FOXP1: variants seen among roughly 807,000 people sequenced by gnomAD.
FOXP1 encodes the protein forkhead box P1.
Under a neutral mutation model 98.2 loss-of-function variants are expected in FOXP1, and 15 were observed. That is an observed-to-expected ratio of 0.15 (90% CI 0.10 to 0.24). The LOEUF (loss-of-function observed/expected upper bound fraction) is 0.24, where lower values mean the gene tolerates loss of function less well. Among genes scored for constraint, FOXP1 ranks in the 10% least tolerant of loss-of-function variants. The probability of loss-of-function intolerance (pLI) is 1.00; values close to 1 mark genes in which losing one functional copy is unlikely to be tolerated. For synonymous variants in FOXP1, 371 were observed against 314.5 expected, an observed-to-expected ratio of 1.18 and a Z score of -1.90; for missense variants, 633 against 848.5, an observed-to-expected ratio of 0.75 and a Z score of 3.15.
chr3:71,369,724 C>T (rs930911633), intron 3 of FOXP1, among the ~76,000 whole-genome samples: 3 of 151,958 alleles, frequency 2.0e-5, no homozygotes, highest in Admixed American at 6.5e-5. Context: ...GTGTAACCCC[C>T]TTTTAGGAAG....
At chr3:71,367,329 C>G (rs2078992636) in intron 3 of FOXP1, among the ~76,000 whole-genome samples, 1 of 152,188 alleles carries the variant, frequency 6.6e-6, no homozygotes, top group Non-Finnish European at 1.5e-5. Flanking sequence ...CATACACACT[C>G]CCTCTCTCTC....
intron 13 of FOXP1, among the ~76,000 whole-genome samples, chr3:70,996,586 T>C (rs1040646463): frequency 2.0e-5 from 3 of 152,142 alleles, no homozygotes; most frequent in Non-Finnish European, 4.4e-5. Flanking sequence ...GGGCCTTCCA[T>C]TTTGGGTGAA....
At chr3:71,126,303 C>T (rs1040836188) in intron 6 of FOXP1, among the ~76,000 whole-genome samples, 4 of 147,972 alleles carry the variant, frequency 2.7e-5, no homozygotes, top group African/African-American at 5.0e-5. Context: ...GCTAACACAG[C>T]GAAACCCCGT....
intron 5 of FOXP1, among the ~76,000 whole-genome samples, chr3:71,227,880 C>T (rs916480516): frequency 6.6e-6 from 1 of 152,038 alleles, no homozygotes; most frequent in Non-Finnish European, 1.5e-5. Flanking sequence ...TAGTCCAAAA[C>T]TGTTGCCAGA....
chr3:71,551,474 AAAGT>A (rs1489650369), intron 2 of FOXP1, among the ~76,000 whole-genome samples: 1 of 152,212 alleles, frequency 6.6e-6, no homozygotes, highest in Non-Finnish European at 1.5e-5. Context: ...ACCAAAAACC[AAAGT>A]AATAAATGTG....
At chr3:71,119,213 A>G (rs966484160) in intron 6 of FOXP1, among the ~76,000 whole-genome samples, 3 of 152,214 alleles carry the variant, frequency 2.0e-5, no homozygotes, top group African/African-American at 7.2e-5. Context: ...AACTTTGAAG[A>G]TGTGTTTCTG....
chr3:70,961,308 G>A (rs1211572733), intron 20 of FOXP1, among the ~76,000 whole-genome samples: 1 of 152,056 alleles, frequency 6.6e-6, no homozygotes, highest in Admixed American at 6.6e-5. Context: ...TCGGCTCACT[G>A]CAACCTCCAA....
intron 6 of FOXP1, among the ~76,000 whole-genome samples, chr3:71,132,407 T>C (rs1322176012): frequency 6.6e-6 from 1 of 152,200 alleles, no homozygotes; most frequent in South Asian, 2.1e-4. Flanking sequence ...GTAAAGGAAT[T>C]ATCACAACTT....
intron 6 of FOXP1, among the ~76,000 whole-genome samples, chr3:71,157,626 C>T (rs969289366): frequency 4.6e-5 from 7 of 152,182 alleles, no homozygotes; most frequent in African/African-American, 1.4e-4. Context: ...CCAAATGTCA[C>T]ACTGTGAACC....
rs147085368 is a variant in FOXP1, at chr3:71,227,185, C to T, written c.-11-28793G>A. ...CTGCCTTTACAGCCCCACAGGCACG[C>T]GACCATGGTGACATCGGGCAGCTTT... On this transcript the variant is annotated intron_variant, in intron 5 of 20. Transcript: ENST00000649528. 4.9e-4 allele frequency among the ~76,000 whole-genome samples: 75 copies of T among 152,268 alleles called. 1 individual carries two copies. Among genetic ancestry groups the T allele is most frequent in the African/African-American group, 1.6e-3 (67 of 41,550 alleles).
rs373976219 is a variant in FOXP1, at chr3:71,234,324, A to G, written c.-11-35932T>C. On this transcript the variant is annotated intron_variant, in intron 5 of 20. Coordinates refer to ENST00000649528, the MANE Select transcript of FOXP1 (RefSeq NM_001349338.3). Reference sequence around the variant, plus strand: ...TATATTCCAACTCGGAATTAATCCAATCAGCACACTCATCCTCCACCACTG... The same window carrying G: ...TATATTCCAACTCGGAATTAATCCAGTCAGCACACTCATCCTCCACCACTG... Among the ~76,000 whole-genome samples, 9 of 152,246 alleles carry G rather than the reference A, an allele frequency of 5.9e-5. No individual in the cohort carries two copies. The East Asian group carries it at 1.3e-3, about 23-fold the overall frequency.
At chr3:71,242,487 T>G (rs1225502380) in intron 5 of FOXP1, among the ~76,000 whole-genome samples, 2 of 152,228 alleles carry the variant, frequency 1.3e-5, no homozygotes, top group African/African-American at 2.4e-5. Context: ...ATTGTCAATT[T>G]TGGCTGGAAT....
intron 2 of FOXP1, among the ~76,000 whole-genome samples, chr3:71,558,085 C>T (rs2046268932): frequency 6.6e-6 from 1 of 152,184 alleles, no homozygotes; most frequent in Non-Finnish European, 1.5e-5. Context: ...CGTGAGCCAC[C>T]ACACCCAGCA....
chr3:71,188,710 T>C (rs2062797160), intron 6 of FOXP1, among the ~76,000 whole-genome samples: 1 of 152,148 alleles, frequency 6.6e-6, no homozygotes, highest in South Asian at 2.1e-4. Context: ...ACCAGCTGCT[T>C]TGTCTCTTTT....
At chr3:71,335,552 C>T (rs553207585) in intron 4 of FOXP1, among the ~76,000 whole-genome samples, 183 of 152,184 alleles carry the variant, frequency 1.2e-3, no homozygotes, top group Admixed American at 3.8e-3. Flanking sequence ...GCCCTGTAAT[C>T]CTGATTATGA....
At chr3:71,303,722 G>C (rs1476827400) in intron 4 of FOXP1, among the ~76,000 whole-genome samples, 2 of 151,058 alleles carry the variant, frequency 1.3e-5, no homozygotes, top group African/African-American at 4.9e-5. Flanking sequence ...CAAATACTGA[G>C]TAAGATTTCA....
intron 4 of FOXP1, among the ~76,000 whole-genome samples, chr3:71,353,800 C>T (rs2077960201): frequency 6.6e-6 from 1 of 152,092 alleles, no homozygotes; most frequent in Admixed American, 6.6e-5. Flanking sequence ...AAAAAATTCA[C>T]AATGAACAAC....
intron 6 of FOXP1, among the ~76,000 whole-genome samples, chr3:71,133,153 C>T (rs954757629): frequency 1.3e-5 from 2 of 152,310 alleles, no homozygotes; most frequent in Middle Eastern, 3.4e-3. Context: ...TCTTCCTCTA[C>T]AAAGAATGCT....
intron 3 of FOXP1, among the ~76,000 whole-genome samples, chr3:71,396,916 G>GTATATATATATA (rs2081417615): frequency 1.1e-5 from 1 of 89,394 alleles, no homozygotes; most frequent in African/African-American, 4.7e-5. Context: ...ATATATATGT[G>GTATATATATATA]TGTATATATA....
Sources: allele counts gnomAD v4.1 joint callset (sites outside exome capture counted in the v4.1 genomes callset), GRCh38; gene constraint gnomAD v4.1.1; transcripts MANE v1.5; gene names NCBI Gene and HGNC (gene_info 2026-07-23, HGNC 2026-07-21).